The following EYA1 variants were observed in gnomAD, a reference collection of about 807,000 sequenced individuals.
The protein encoded by EYA1 is EYA transcriptional coactivator and phosphatase 1.
Under a neutral mutation model 82.0 loss-of-function variants are expected in EYA1, and 16 were observed. The ratio of observed to expected loss-of-function variants is 0.20; its 90% CI spans 0.13 to 0.30. EYA1 has a LOEUF of 0.30. Ranked by LOEUF, EYA1 falls within the 10% of genes least tolerant of loss-of-function variation. The probability of loss-of-function intolerance (pLI) is 1.00; values close to 1 mark genes in which losing one functional copy is unlikely to be tolerated. For synonymous variants in EYA1, 261 were observed against 264.4 expected (o/e 0.99, Z 0.12); for missense variants, 633 against 730.7 (o/e 0.87, Z 1.54).
At chr8:71,435,791 C>G (rs77586371) in intron 2 of EYA1, among the ~76,000 whole-genome samples, 10 of 152,020 alleles carry the variant, frequency 6.6e-5, no homozygotes, top group Non-Finnish European at 1.3e-4. Flanking sequence ...AGAGCCTTCT[C>G]TTGGCAATAT....
intron 9 of EYA1, among the ~76,000 whole-genome samples, chr8:71,286,133 A>G (rs140457528): frequency 5.3e-5 from 8 of 152,302 alleles, no homozygotes; most frequent in Admixed American, 5.2e-4. Flanking sequence ...ACTTCTCCAC[A>G]ATAGTGGAGG....
chr8:71,212,503 A>T (rs1439216478), intron 16 of EYA1, among the ~76,000 whole-genome samples: 1 of 152,186 alleles, frequency 6.6e-6, no homozygotes, highest in African/African-American at 2.4e-5. Context: ...TTGTGGAAAA[A>T]GGAAGGTAAA....
chr8:71,545,194 C>A (rs1815448245), intron 1 of EYA1, among the ~76,000 whole-genome samples: 1 of 152,214 alleles, frequency 6.6e-6, no homozygotes, highest in Non-Finnish European at 1.5e-5. Context: ...AGTACAATGG[C>A]ATTAATGCCA....
chr8:71,356,607 CT>C (rs1826907185), intron 1 of EYA1, 96 bp from the exon 2 acceptor site: 1 of 1,431,256 alleles, frequency 7.0e-7, no homozygotes, highest in Non-Finnish European at 9.2e-7. Flanking sequence ...CGACAATGCT[CT>C]CTTTTAACCA....
In EYA1 at chr8:71,299,701, T is replaced by G; in HGVS notation, c.576A>C (p.Ser192=). 1 of 1,573,478 alleles carries G rather than the reference T, an allele frequency of 6.4e-7. No individual in the cohort carries two copies. Among genetic ancestry groups the G allele is most frequent in the East Asian group, 2.2e-5 (1 of 44,534 alleles). The part of the protein sequence containing the change: ...YQMQGSSFTT[S]SGIYTGNNSL... ...AATTATTTCCTGTATATATTCCTGA[T>G]GATGTTGTAAAACTGCTACCTAAAA... Residue 192 remains serine (S), a synonymous_variant, in exon 8 of 18, where the codon TCA becomes TCC. Coordinates refer to ENST00000340726, the MANE Select transcript of EYA1 (RefSeq NM_000503.6).
chr8:71,382,842 A>T (rs1249251680), intron 2 of EYA1, among the ~76,000 whole-genome samples: 1 of 152,094 alleles, frequency 6.6e-6, no homozygotes, highest in Non-Finnish European at 1.5e-5. Flanking sequence ...GGTCTCAAGA[A>T]GATTCTATAA....
At position 71,312,532 on chromosome 8, in the gene EYA1, C is replaced by T. The variant is rs149849235; in HGVS notation, c.556+5020G>A. Among the ~76,000 whole-genome samples the T allele has an allele frequency of 2.9e-3, 448 of 152,254 alleles. 1 individual carries two copies. The highest frequency in any genetic ancestry group is 9.9e-3 in the African/African-American group (412 of 41,558). On this transcript the variant is annotated intron_variant, in intron 7 of 17. Coordinates refer to ENST00000340726, the MANE Select transcript of EYA1 (RefSeq NM_000503.6). The stretch of plus-strand genomic sequence containing the variant: ...CACGATCTTGTCTCACTGAACCTCA[C>T]GGTCCCAAGATTCTCCTACCTCAGC...
chr8:71,509,704 G>T (rs1812454116), intron 2 of EYA1, among the ~76,000 whole-genome samples: 1 of 152,086 alleles, frequency 6.6e-6, no homozygotes, highest in Admixed American at 6.6e-5. Context: ...CTTCAGTAAG[G>T]ATGTGTCTAC....
At chr8:71,234,809 C>T (rs559135578) in intron 12 of EYA1, among the ~76,000 whole-genome samples, 6 of 152,224 alleles carry the variant, frequency 3.9e-5, no homozygotes, top group African/African-American at 1.2e-4. Context: ...GAGATCCAAA[C>T]CTGTATGTCT....
At chr8:71,356,919 A>C (rs927685714) in intron 1 of EYA1, among the ~76,000 whole-genome samples, 2 of 152,220 alleles carry the variant, frequency 1.3e-5, no homozygotes, top group African/African-American at 2.4e-5. Context: ...ATCCTCCAGC[A>C]TCCTCAGAAG....
chr8:71,452,245 C>T (rs894383675), intron 2 of EYA1, among the ~76,000 whole-genome samples: 1 of 152,196 alleles, frequency 6.6e-6, no homozygotes, highest in Non-Finnish European at 1.5e-5. Context: ...ATTGCTGAGG[C>T]TTGAGTAGGT....
At chr8:71,508,462 ACTG>A (rs1812358033) in intron 2 of EYA1, among the ~76,000 whole-genome samples, 1 of 152,166 alleles carries the variant, frequency 6.6e-6, no homozygotes, top group Admixed American at 6.5e-5. Context: ...TTGAAAGGAC[ACTG>A]TGTAGGGTTG....
At chr8:71,338,077 C>T (rs993263864) in intron 3 of EYA1, among the ~76,000 whole-genome samples, 2 of 150,402 alleles carry the variant, frequency 1.3e-5, no homozygotes, top group Admixed American at 6.6e-5. Context: ...AAATCAAAGT[C>T]TTTCTTAAGA....
At chr8:71,349,299 T>C (rs1483787998) in intron 3 of EYA1, among the ~76,000 whole-genome samples, 1 of 152,210 alleles carries the variant, frequency 6.6e-6, no homozygotes, top group Non-Finnish European at 1.5e-5. Context: ...ACAGCGCTGC[T>C]GTTTGCTAGG....
At chr8:71,285,643 G>A (rs1202169793) in intron 9 of EYA1, among the ~76,000 whole-genome samples, 2 of 152,218 alleles carry the variant, frequency 1.3e-5, no homozygotes, top group African/African-American at 4.8e-5. Flanking sequence ...GGAGACTACA[G>A]TTATATGAAA....
At chr8:71,215,299 T>TG (rs1809041395) in intron 16 of EYA1, 88 bp downstream of exon 16, 2 of 1,316,730 alleles carry the variant, frequency 1.5e-6, no homozygotes, top group African/African-American at 2.9e-5. Context: ...TGTAGCATTC[T>TG]GGAAAAAAAG....
rs75547140 is a variant in EYA1 at position 71,209,146 on chromosome 8, C to T, written c.1698+2010G>A. ...ATCTGTTCCATCCCTGCCCTGCTGG[C>T]CACTAGGAGGGTCCTGAATAGGAAT... On this transcript the variant is annotated intron_variant, in intron 17 of 17. Coordinates refer to ENST00000340726, the MANE Select transcript of EYA1 (RefSeq NM_000503.6). Among the ~76,000 whole-genome samples the T allele has an allele frequency of 4.6e-5, 7 of 152,326 alleles. No individual in the cohort carries two copies. The East Asian group carries it at 1.4e-3, about 29-fold the overall frequency.
intron 1 of EYA1, among the ~76,000 whole-genome samples, chr8:71,358,925 A>G (rs1305828327): frequency 6.6e-6 from 1 of 152,076 alleles, no homozygotes; most frequent in African/African-American, 2.4e-5. Context: ...GTAAGTTCAC[A>G]TTTTCTGCTT....
In EYA1 at chr8:71,317,641, T is replaced by A; in HGVS notation, c.467A>T (p.Gln156Leu). The A allele has an allele frequency of 6.2e-7, 1 of 1,614,096 alleles. No homozygotes were observed. Among genetic ancestry groups the A allele is most frequent in the Middle Eastern group, 1.7e-4 (1 of 6,060 alleles). ...GAGAAATCCTGTCTGTCCAGGTGAC[T>A]GAGACTGTGACAATCCACCTTCAGT... Reference protein sequence around the residue: ...IKTEGGLSQSQSPGQTGFLSY... With the variant: ...IKTEGGLSQSLSPGQTGFLSY... The change falls in exon 7 of 18, where the codon CAG becomes CTG. Residue 156 changes from glutamine to leucine, a missense_variant. Gln to Leu is a moderately radical substitution (Grantham distance 113). Transcript: ENST00000340726.
Sources: allele counts gnomAD v4.1 joint callset (sites outside exome capture counted in the v4.1 genomes callset), GRCh38; gene constraint gnomAD v4.1.1; transcripts MANE v1.5; gene names NCBI Gene and HGNC (gene_info 2026-07-23, HGNC 2026-07-21).